NTRK2: variants seen among roughly 807,000 people sequenced by gnomAD.
NTRK2 encodes neurotrophic receptor tyrosine kinase 2.
NTRK2 carries 13 observed loss-of-function variants against 94.5 expected under a neutral mutation model. That is an observed-to-expected ratio of 0.14 (90% CI 0.09 to 0.22). The LOEUF is 0.22. Ranked by LOEUF, NTRK2 falls within the 10% of genes least tolerant of loss-of-function variation. The pLI, the probability that NTRK2 is intolerant of heterozygous loss-of-function variation, is 1.00. For synonymous variants in NTRK2, 372 were observed against 407.4 expected (o/e 0.91, Z 1.05); for missense variants, 639 against 1,071.2 (o/e 0.60, Z 5.63).
At chr9:84,926,106 T>TTCCCTCC (rs1564470625) in intron 14 of NTRK2, among the ~76,000 whole-genome samples, 4 of 108,852 alleles carry the variant, frequency 3.7e-5, no homozygotes, top group African/African-American at 1.6e-4. Flanking sequence ...CCTTCCTTCC[T>TTCCCTCC]TTCCTTCCTT....
chr9:84,896,357 C>T (rs1277183723), intron 14 of NTRK2, among the ~76,000 whole-genome samples: 1 of 152,180 alleles, frequency 6.6e-6, no homozygotes, highest in African/African-American at 2.4e-5. Flanking sequence ...AAACACTGCC[C>T]AGCACAGAGC....
At chr9:84,728,093 C>A in intron 9 of NTRK2, 134 bp downstream of exon 9, 1 of 821,382 alleles carries the variant, frequency 1.2e-6, no homozygotes, top group Non-Finnish European at 2.0e-6. Flanking sequence ...GCTCATGGAT[C>A]CATAGGTCAG....
intron 12 of NTRK2, among the ~76,000 whole-genome samples, chr9:84,761,532 A>G (rs2132651795): frequency 6.6e-6 from 1 of 152,296 alleles, no homozygotes; most frequent in South Asian, 2.1e-4. Flanking sequence ...TCCAGCTTTA[A>G]TATCTACCAC....
intron 12 of NTRK2, among the ~76,000 whole-genome samples, chr9:84,771,142 G>A (rs1004828890): frequency 2.6e-5 from 4 of 152,186 alleles, no homozygotes; most frequent in African/African-American, 4.8e-5. Context: ...ACTTTTGTGC[G>A]ATGTTTGACA....
chr9:84,877,309 A>G lies in NTRK2; in HGVS notation c.1633+9878A>G, dbSNP rs142406908. 53 of 1,066,038 alleles carry G rather than the reference A, an allele frequency of 5.0e-5. 1 individual carries two copies. The African/African-American group carries it at 8.0e-4, about 16-fold the overall frequency. The allele number at this position is 1,066,038 out of a possible 1,614,324, so 66.0% of individuals were successfully genotyped here. ...CCTTTGTGCCTCCACTTGTCTCAGT[A>G]TGAGGAAGAACTTTGGTGTGAGGGC... On this transcript the variant is annotated intron_variant, in intron 14 of 18. Coordinates refer to ENST00000277120, the MANE Select transcript of NTRK2 (RefSeq NM_006180.6).
intron 14 of NTRK2, among the ~76,000 whole-genome samples, chr9:84,926,158 C>CTTT (rs2077781384): frequency 5.1e-5 from 4 of 78,606 alleles, no homozygotes; most frequent in Non-Finnish European, 1.1e-4. Flanking sequence ...TCCTTCCTTC[C>CTTT]TTCCTTCCTT....
intron 11 of NTRK2, among the ~76,000 whole-genome samples, chr9:84,745,331 A>G (rs1180520140): frequency 6.6e-6 from 1 of 152,208 alleles, no homozygotes; most frequent in Admixed American, 6.5e-5. Flanking sequence ...TTAGAAGGGT[A>G]TCACCAGAAG....
At chr9:84,848,079 C>CAGAGAGAGAG (rs3029704) in intron 12 of NTRK2, among the ~76,000 whole-genome samples, 2 of 144,254 alleles carry the variant, frequency 1.4e-5, no homozygotes, top group Non-Finnish European at 3.1e-5. Flanking sequence ...TAGAGAGGGG[C>CAGAGAGAGAG]AGAGAGAGAG....
intron 14 of NTRK2, among the ~76,000 whole-genome samples, chr9:84,898,063 T>G (rs76834061): frequency 0.062 from 9,421 of 152,014 alleles, 330 homozygotes; most frequent in Admixed American, 0.097. Flanking sequence ...CCACTGTTTT[T>G]TTTTTTTTTT....
chr9:85,025,629 A>G lies in NTRK2; in HGVS notation c.*4192A>G, dbSNP rs986342122. 5 of 233,148 alleles carry G rather than the reference A, an allele frequency of 2.1e-5. No individual in the cohort carries two copies. Among genetic ancestry groups the G allele is most frequent in the South Asian group, 1.8e-4 (1 of 5,532 alleles). The allele number at this position is 233,148 out of a possible 1,614,324, so 14.4% of individuals were successfully genotyped here. On this transcript the variant is annotated 3_prime_UTR_variant, in exon 19 of 19. Transcript: ENST00000277120. ...AATACCAATAACATTGTTGTATCTA[A>G]CTAAATAAATGACTGCATATACACA...
chr9:84,834,714 G>A (rs549128356), intron 12 of NTRK2, among the ~76,000 whole-genome samples: 1 of 152,298 alleles, frequency 6.6e-6, no homozygotes, highest in East Asian at 1.9e-4. Context: ...CAGGCAACAG[G>A]AAAGGCATCT....
chr9:84,882,625 T>G (rs2076287119), intron 14 of NTRK2, among the ~76,000 whole-genome samples: 1 of 152,224 alleles, frequency 6.6e-6, no homozygotes, highest in Admixed American at 6.5e-5. Flanking sequence ...GCAAGCCACT[T>G]GGCTGTTGGC....
rs143276160 is a variant in NTRK2 at position 84,699,929 on chromosome 9, A to G, written c.213-2230A>G. On this transcript the variant is annotated intron_variant, in intron 2 of 18. Transcript: ENST00000277120. ...CTGATGAAAAATGAAAAGAAAGGGCATAAGTAACAAAAAGTTAAAGATGAG... is the reference window on the plus strand; with the variant it reads ...CTGATGAAAAATGAAAAGAAAGGGCGTAAGTAACAAAAAGTTAAAGATGAG... Among the ~76,000 whole-genome samples, 507 of 152,340 alleles carry G rather than the reference A, an allele frequency of 3.3e-3. 3 individuals are homozygous for G. Among genetic ancestry groups the G allele is most frequent in the African/African-American group, 0.011 (475 of 41,574 alleles).
At chr9:84,813,660 A>G in intron 12 of NTRK2, 1 of 1,066,110 alleles carries the variant, frequency 9.4e-7, no homozygotes, top group Middle Eastern at 4.2e-4. Context: ...GGAATTCTGC[A>G]CCAATGTCTC....
chr9:84,886,285 T>C (rs962316039), intron 14 of NTRK2, among the ~76,000 whole-genome samples: 2 of 152,194 alleles, frequency 1.3e-5, no homozygotes, highest in African/African-American at 4.8e-5. Context: ...GTTGATGTTG[T>C]CTTCCTGTAT....
At chr9:84,874,746 G>C in intron 14 of NTRK2, 2 of 1,060,842 alleles carry the variant, frequency 1.9e-6, no homozygotes, top group Non-Finnish European at 2.3e-6. Flanking sequence ...AGAGCAGCCC[G>C]AGGAGGAGAT....
chr9:84,900,165 C>G (rs1587869098), intron 14 of NTRK2, among the ~76,000 whole-genome samples: 2 of 152,150 alleles, frequency 1.3e-5, no homozygotes, highest in Admixed American at 6.5e-5. Context: ...AAAGGAAGCG[C>G]GCACTTCCCT....
At chr9:84,801,117 A>T (rs1227503567) in intron 12 of NTRK2, among the ~76,000 whole-genome samples, 1 of 152,178 alleles carries the variant, frequency 6.6e-6, no homozygotes, top group East Asian at 1.9e-4. Context: ...GCACTAAGGT[A>T]CTCACATTAG....
intron 11 of NTRK2, among the ~76,000 whole-genome samples, chr9:84,746,420 C>A (rs917832586): frequency 2.6e-5 from 4 of 152,154 alleles, no homozygotes; most frequent in African/African-American, 9.7e-5. Flanking sequence ...TTCTTTCCTG[C>A]ATGACCACGC....
Sources: gnomAD v4.1 joint callset for allele counts (sites outside exome capture counted in the v4.1 genomes callset) on GRCh38, gnomAD v4.1.1 for gene constraint, MANE v1.5 for transcripts, NCBI Gene and HGNC (gene_info 2026-07-23, HGNC 2026-07-21) for gene names.